The following TPM1 variants were observed in gnomAD, a reference collection of about 807,000 sequenced individuals.
TPM1 encodes the protein tropomyosin 1.
Under a neutral mutation model 42.9 loss-of-function variants are expected in TPM1, and 24 were observed. The observed-to-expected ratio is 0.56, with a 90% CI of 0.41 to 0.79. TPM1 has a LOEUF of 0.79. TPM1 is among the 30% of genes least tolerant of loss of function. The pLI is 0.00. For missense variants in TPM1, 158 were observed against 351.8 expected (o/e 0.45, Z 4.41); for synonymous variants, 136 against 130.1 (o/e 1.05, Z -0.31).
intron 2 of TPM1, chr15:63,045,524 C>T (rs2032214791): frequency 1.3e-5 from 2 of 152,142 alleles, no homozygotes; most frequent in Non-Finnish European, 1.5e-5. Context: ...CGCAAATTCT[C>T]CAGCAGGACG....
At chr15:63,070,331 T>TAC (rs1407203419), downstream of TPM1, 1 of 976,044 alleles carries the variant, frequency 1.0e-6, no homozygotes, top group Admixed American at 5.5e-5. Context: ...TGTGTGTATA[T>TAC]ATTCCTATCA....
intron 3 of TPM1, among the ~76,000 whole-genome samples, chr15:63,057,646 A>G (rs2035010875): frequency 6.6e-6 from 1 of 152,338 alleles, no homozygotes; most frequent in Admixed American, 6.5e-5. Flanking sequence ...CACAACACAC[A>G]TGCACACAAA....
Position 63,042,813 on chromosome 15 carries a change from C to T in TPM1, c.-17C>T, listed in dbSNP as rs2031417205. 1.2e-6 allele frequency: 2 copies of T among 1,608,560 alleles called. No individual in the cohort carries two copies. Among genetic ancestry groups the T allele is most frequent in the African/African-American group, 2.7e-5 (2 of 74,780 alleles). On this transcript the variant is annotated 5_prime_UTR_variant, in exon 1 of 10. Coordinates refer to ENST00000403994, the MANE Select transcript of TPM1 (RefSeq NM_001018005.2). ...GCCGCTCCTGCTGCAGCCCCAGGGC[C>T]CCTCGCCGCCGCCACCATGGACGCC...
At chr15:63,048,743 G>A in intron 2 of TPM1, 1 of 1,525,580 alleles carries the variant, frequency 6.6e-7, no homozygotes. Flanking sequence ...AGCCCCCAGA[G>A]GCGCATCCTC....
intron 1 of TPM1, 170 bp downstream of exon 1, chr15:63,043,113 A>G (rs2031524967): frequency 1.6e-6 from 1 of 642,224 alleles, no homozygotes. Context: ...CGCAAGAGCC[A>G]GGCTTAGTCT....
downstream of TPM1, among the ~76,000 whole-genome samples, chr15:63,067,769 C>G (rs1455980554): frequency 6.6e-6 from 1 of 152,248 alleles, no homozygotes; most frequent in African/African-American, 2.4e-5. Context: ...CAGGCCATAG[C>G]TACAGCTGCT....
Position 63,063,983 on chromosome 15 carries a change from C to A in TPM1, c.773-81C>A, listed in dbSNP as rs894346702. 1.9e-6 allele frequency: 3 copies of A among 1,575,234 alleles called. No individual in the cohort carries two copies. The African/African-American group carries it at 4.0e-5, about 21-fold the overall frequency. On this transcript the variant is annotated intron_variant, in intron 8 of 9. Coordinates refer to ENST00000403994, the MANE Select transcript of TPM1 (RefSeq NM_001018005.2). ...TTCTTGCTGCTGTGTTGGGATGGTG[C>A]GCGCACCACCCTCACTCACCCTCCA...
intron 1 of TPM1, 28 bp from the exon 2 acceptor site, chr15:63,043,999 C>T (rs759908832): frequency 5.0e-6 from 8 of 1,610,562 alleles, no homozygotes; most frequent in South Asian, 2.2e-5. Context: ...ACCCCCCTCC[C>T]TCCCTGTACC....
chr15:63,048,451 G>C (rs1250413459), intron 2 of TPM1: 1 of 1,357,008 alleles, frequency 7.4e-7, no homozygotes, highest in African/African-American at 1.6e-5. Context: ...CGCCGCCATC[G>C]CACAGAGAGG....
exon 9 of TPM1, chr15:63,071,855 C>G (rs2036618014): frequency 6.5e-6 from 1 of 153,790 alleles, no homozygotes; most frequent in African/African-American, 2.4e-5. Context: ...AGAGTTTTAA[C>G]TATATGTAAA....
At chr15:63,057,160 T>G in intron 3 of TPM1, 42 bp downstream of exon 3, 1 of 1,612,710 alleles carries the variant, frequency 6.2e-7, no homozygotes, top group Non-Finnish European at 8.5e-7. Flanking sequence ...CTGCCTTTCC[T>G]GGTGGAATAA....
At chr15:63,050,441 G>C (rs568384380) in intron 2 of TPM1, among the ~76,000 whole-genome samples, 1 of 152,310 alleles carries the variant, frequency 6.6e-6, no homozygotes, top group Admixed American at 6.5e-5. Context: ...GGAGAGCCTT[G>C]TATTGGCTCC....
chr15:63,046,571 G>C (rs1392382033), intron 2 of TPM1: 1 of 152,362 alleles, frequency 6.6e-6, no homozygotes, highest in Non-Finnish European at 1.5e-5. Flanking sequence ...TCATTCAGGA[G>C]TAGTATCCCT....
intron 4 of TPM1, among the ~76,000 whole-genome samples, chr15:63,060,524 C>G (rs2035470343): frequency 6.6e-6 from 1 of 152,156 alleles, no homozygotes; most frequent in African/African-American, 2.4e-5. Context: ...CAGCCCCCAC[C>G]TTTTTAGTAC....
chr15:63,051,896 T>G (rs1210489373), intron 2 of TPM1, among the ~76,000 whole-genome samples: 1 of 146,216 alleles, frequency 6.8e-6, no homozygotes, highest in Non-Finnish European at 1.5e-5. Flanking sequence ...AAAAGTTGTT[T>G]TTTTTTTTTT....
At chr15:63,043,787 A>G (rs1177666313) in intron 1 of TPM1, 1 of 1,549,886 alleles carries the variant, frequency 6.5e-7, no homozygotes. Context: ...GGAGCTGCAC[A>G]AGGCGGAGGA....
chr15:63,060,968 G>A (rs779606352), intron 5 of TPM1, 29 bp downstream of exon 5: 197 of 1,612,816 alleles, frequency 1.2e-4, no homozygotes, highest in Middle Eastern at 4.9e-4. Flanking sequence ...AGGAGGCCAC[G>A]AATGGGGTGC....
At chr15:63,064,549 A>C in intron 9 of TPM1, 1 of 1,054,350 alleles carries the variant, frequency 9.5e-7, no homozygotes, top group South Asian at 3.1e-5. Context: ...CATTTTCGTT[A>C]AATATAATTT....
At chr15:63,061,876 AT>A in intron 6 of TPM1, 88 bp downstream of exon 6, 1 of 1,200,530 alleles carries the variant, frequency 8.3e-7, no homozygotes, top group Non-Finnish European at 1.2e-6. Flanking sequence ...TACAGTAGAC[AT>A]TTTAGTAAAA....
Sources: gnomAD v4.1 joint callset for allele counts (sites outside exome capture counted in the v4.1 genomes callset) on GRCh38, gnomAD v4.1.1 for gene constraint, MANE v1.5 for transcripts, NCBI Gene and HGNC (gene_info 2026-07-23, HGNC 2026-07-21) for gene names.